DDX25: variants seen among roughly 807,000 people sequenced by gnomAD.
DDX25 encodes DEAD-box helicase 25, also known as ATP-dependent RNA helicase DDX25.
In DDX25, 70 loss-of-function variants were observed where a neutral mutation model predicts 64.6. The observed-to-expected ratio is 1.08, with a 90% confidence interval of 0.89 to 1.32. DDX25 has a LOEUF of 1.32. Ranked by LOEUF, DDX25 falls within the 40% of genes most tolerant of loss-of-function variation. The probability of loss-of-function intolerance (pLI) is 0.00; values close to 1 mark genes in which losing one functional copy is unlikely to be tolerated. For synonymous variants in DDX25, 211 were observed against 213.3 expected (o/e 0.99, Z 0.09); for missense variants, 587 against 604.4 (o/e 0.97, Z 0.30).
chr11:125,907,515 G>A lies in DDX25; in HGVS notation c.312-681G>A, dbSNP rs185666114. Among the ~76,000 whole-genome samples, 754 of 152,268 alleles carry A rather than the reference G, an allele frequency of 5.0e-3. 5 individuals are homozygous for A. The highest frequency in any genetic ancestry group is 0.017 in the African/African-American group (706 of 41,538). On this transcript the variant is annotated intron_variant, in intron 4 of 11. Coordinates refer to ENST00000263576, the MANE Select transcript of DDX25 (RefSeq NM_013264.5). ...CCTAGCTACTCGGGAGGCTGAGGCA[G>A]GAGAATGGCGTGAACCCGGGAGGTG...
intron 9 of DDX25, 58 bp downstream of exon 9, chr11:125,917,309 G>T: frequency 6.7e-7 from 1 of 1,502,986 alleles, no homozygotes; most frequent in East Asian, 2.4e-5. Context: ...CCGAGGTGGG[G>T]GACGACAATA....
At chr11:125,915,188 G>A (rs1565466168) in intron 8 of DDX25, among the ~76,000 whole-genome samples, 1 of 152,140 alleles carries the variant, frequency 6.6e-6, no homozygotes, top group Non-Finnish European at 1.5e-5. Context: ...GAGCATTTAT[G>A]TTGGTTGATC....
chr11:125,916,894 T>C, intron 8 of DDX25, 120 bp from the exon 9 acceptor site: 1 of 937,394 alleles, frequency 1.1e-6, no homozygotes, highest in East Asian at 2.6e-5. Flanking sequence ...AGCTGGTCAT[T>C]GCAGGCAGCA....
At chr11:125,907,376 A>T (rs184056076) in intron 4 of DDX25, among the ~76,000 whole-genome samples, 1 of 152,108 alleles carries the variant, frequency 6.6e-6, no homozygotes, top group Admixed American at 6.5e-5. Flanking sequence ...TGGGAGGCCA[A>T]GGGGGGCGGA....
At chr11:125,914,585 G>A (rs917555760) in intron 8 of DDX25, among the ~76,000 whole-genome samples, 2 of 152,114 alleles carry the variant, frequency 1.3e-5, no homozygotes, top group Non-Finnish European at 2.9e-5. Context: ...CTCCTTATAC[G>A]TATTTTCTGC....
intron 10 of DDX25, chr11:125,920,915 C>CACAT (rs1289066876): frequency 4.6e-6 from 1 of 218,916 alleles, no homozygotes. Context: ...ACCACACACA[C>CACAT]ACATACACAC....
Position 125,925,169 on chromosome 11 carries a change from T to C in DDX25, c.*2288T>C. The C allele has an allele frequency of 6.8e-6, 2 of 292,618 alleles. No homozygotes were observed. The highest frequency in any genetic ancestry group is 1.4e-5 in the Non-Finnish European group (2 of 144,928). The allele number at this position is 292,618 out of a possible 1,614,324, so 18.1% of individuals were successfully genotyped here. ...AGTTGGACCTTCCACCGTGCTCAGCTCCGCCTTGGGGTGTCCTAAATAAAA... is the reference window on the plus strand; with the variant it reads ...AGTTGGACCTTCCACCGTGCTCAGCCCCGCCTTGGGGTGTCCTAAATAAAA... On this transcript the variant is annotated 3_prime_UTR_variant, in exon 12 of 12. Transcript: ENST00000263576.
In DDX25 at chr11:125,923,882, ATGGTGGTTCC is replaced by A. The variant is rs1446067006; in HGVS notation, c.*1005_*1014del. The A allele has an allele frequency of 2.6e-5, 4 of 152,262 alleles. No individual in the cohort carries two copies. Among genetic ancestry groups the A allele is most frequent in the African/African-American group, 9.6e-5 (4 of 41,560 alleles). 9.4% of individuals were successfully genotyped at this position (152,262 alleles called of 1,614,324 possible). ...AGTGAGTGGCCCTGTCATCGGTGGCATGGTGGTTCCTGGCATATCTATTTTGATATCCCTC... is the reference window on the plus strand; with the variant it reads ...AGTGAGTGGCCCTGTCATCGGTGGCATGGCATATCTATTTTGATATCCCTC... On this transcript the variant is annotated 3_prime_UTR_variant, in exon 12 of 12. Transcript: ENST00000263576.
At chr11:125,909,034 G>A (rs1944932038) in intron 6 of DDX25, among the ~76,000 whole-genome samples, 1 of 152,216 alleles carries the variant, frequency 6.6e-6, no homozygotes, top group Non-Finnish European at 1.5e-5. Flanking sequence ...GCTGATGCTT[G>A]GAGAGGGAAG....
chr11:125,904,421 G>A (rs866748323), upstream of DDX25: 566 of 1,192,824 alleles, frequency 4.7e-4, 1 homozygote, highest in Middle Eastern at 7.8e-3. Flanking sequence ...GCGGACGCCT[G>A]CCCCCTAAGG....
rs1945137472 is a variant in DDX25 at position 125,923,333 on chromosome 11, C to G, written c.*452C>G. ...ATTTATGCCTTTCCCCGCTCCCCGC[C>G]TTAAACTCCCCCATGCATGCACATG... On this transcript the variant is annotated 3_prime_UTR_variant, in exon 12 of 12. Transcript: ENST00000263576. 6.4e-6 allele frequency: 1 copy of G among 155,190 alleles called. No individual in the cohort carries two copies. The highest frequency in any genetic ancestry group is 1.4e-5 in the Non-Finnish European group (1 of 70,206). The allele number at this position is 155,190 out of a possible 1,614,324, so 9.6% of individuals were successfully genotyped here.
At chr11:125,919,447 G>T (rs1490246215) in intron 10 of DDX25, among the ~76,000 whole-genome samples, 3 of 152,032 alleles carry the variant, frequency 2.0e-5, no homozygotes, top group African/African-American at 7.3e-5. Flanking sequence ...GCTGTATACT[G>T]GGATCTCATT....
intron 10 of DDX25, among the ~76,000 whole-genome samples, chr11:125,920,281 A>G (rs1331407288): frequency 1.3e-5 from 2 of 152,190 alleles, no homozygotes. Context: ...TACTAAAAAT[A>G]CAAAAATTAG....
In DDX25 at chr11:125,905,292, G is replaced by C; in HGVS notation, c.130+14G>C. 12 of 1,551,448 alleles carry C rather than the reference G, an allele frequency of 7.7e-6. No homozygotes were observed. Among genetic ancestry groups the C allele is most frequent in the Non-Finnish European group, 1.0e-5 (12 of 1,146,852 alleles). On this transcript the variant is annotated intron_variant, in intron 2 of 11. Coordinates refer to ENST00000263576, the MANE Select transcript of DDX25 (RefSeq NM_013264.5). ...TCCGAAACATAGGTGAGTGCTGTTA[G>C]GGCAAAGCAGAGCGACCTCAATGAT...
upstream of DDX25, chr11:125,904,422 C>T (rs1318907563): frequency 2.3e-5 from 27 of 1,192,356 alleles, no homozygotes; most frequent in Admixed American, 4.2e-5. Flanking sequence ...CGGACGCCTG[C>T]CCCCTAAGGA....
intron 4 of DDX25, among the ~76,000 whole-genome samples, 153 bp downstream of exon 4, chr11:125,906,362 C>G (rs1434620399): frequency 1.3e-5 from 2 of 151,796 alleles, no homozygotes; most frequent in Non-Finnish European, 2.9e-5. Flanking sequence ...CTCTGTCCCC[C>G]AGGCTGGAGT....
At chr11:125,914,476 C>T (rs955360460) in intron 8 of DDX25, among the ~76,000 whole-genome samples, 3 of 152,222 alleles carry the variant, frequency 2.0e-5, no homozygotes, top group African/African-American at 4.8e-5. Flanking sequence ...CCACTTTCTA[C>T]TAAGGCTTGT....
chr11:125,911,980 C>T (rs73626635), intron 8 of DDX25, among the ~76,000 whole-genome samples: 2,761 of 152,208 alleles, frequency 0.018, 98 homozygotes, highest in African/African-American at 0.062. Flanking sequence ...TACAGATTAC[C>T]GGACGCAGCC....
rs1030715949 is a variant in DDX25 at position 125,925,608 on chromosome 11, G to C, written c.*2727G>C. On this transcript the variant is annotated 3_prime_UTR_variant, in exon 12 of 12. Transcript: ENST00000263576. ...GTGCAACTGTGAGCTGGGTTCATCA[G>C]CTGTATGTTTCTTGGCACCAAATAC... 2 of 377,628 alleles carry C rather than the reference G, an allele frequency of 5.3e-6. No individual in the cohort carries two copies. Among genetic ancestry groups the C allele is most frequent in the African/African-American group, 4.2e-5 (2 of 47,788 alleles). The allele number at this position is 377,628 out of a possible 1,614,324, so 23.4% of individuals were successfully genotyped here. A position where few individuals can be genotyped will look rare whatever the true frequency, so the allele number is the denominator to read the frequency against.
Sources: allele counts gnomAD v4.1 joint callset (sites outside exome capture counted in the v4.1 genomes callset), GRCh38; gene constraint gnomAD v4.1.1; transcripts MANE v1.5; gene names NCBI Gene and HGNC (gene_info 2026-07-23, HGNC 2026-07-21).